EXT2: variants seen among roughly 807,000 people sequenced by gnomAD.
The protein encoded by EXT2 is exostosin glycosyltransferase 2.
In EXT2, 53 loss-of-function variants were observed where a neutral mutation model predicts 81.6. That is an observed-to-expected ratio of 0.65 (90% CI 0.52 to 0.82). EXT2 has a LOEUF of 0.82. EXT2 is among the 40% of genes least tolerant of loss of function. The pLI, the probability that EXT2 is intolerant of heterozygous loss-of-function variation, is 0.00. For synonymous variants in EXT2, 320 were observed against 340.0 expected (o/e 0.94, Z 0.65); for missense variants, 774 against 910.2 (o/e 0.85, Z 1.93).
At chr11:44,138,847 A>G (rs1322094853) in intron 7 of EXT2, among the ~76,000 whole-genome samples, 2 of 152,142 alleles carry the variant, frequency 1.3e-5, no homozygotes, top group African/African-American at 4.8e-5. Context: ...AGTTGTATTG[A>G]TTAAATGAGA....
chr11:44,154,436 T>G (rs1028780014), intron 7 of EXT2, among the ~76,000 whole-genome samples: 3 of 152,148 alleles, frequency 2.0e-5, no homozygotes, highest in African/African-American at 7.2e-5. Flanking sequence ...CATAATGACC[T>G]CCATTTCCAT....
chr11:44,193,855 G>C (rs1388839572), intron 8 of EXT2, among the ~76,000 whole-genome samples: 1 of 152,110 alleles, frequency 6.6e-6, no homozygotes, highest in African/African-American at 2.4e-5. Flanking sequence ...TGGGCAGTGG[G>C]GAAAAACAAC....
chr11:44,152,728 G>T (rs757226805), intron 7 of EXT2, among the ~76,000 whole-genome samples: 54 of 152,142 alleles, frequency 3.5e-4, no homozygotes, highest in Admixed American at 9.8e-4. Context: ...TGTAAAATCT[G>T]TCTAGATTTT....
At chr11:44,204,442 A>G (rs1300020465) in intron 9 of EXT2, among the ~76,000 whole-genome samples, 4 of 152,176 alleles carry the variant, frequency 2.6e-5, no homozygotes, top group Admixed American at 6.5e-5. Context: ...AGTAATTTTT[A>G]AGAGCATGAA....
chr11:44,231,659 A>T (rs1220276063), intron 10 of EXT2, among the ~76,000 whole-genome samples: 1 of 152,216 alleles, frequency 6.6e-6, no homozygotes, highest in Non-Finnish European at 1.5e-5. Flanking sequence ...ACAAATTGTT[A>T]TACTCATTCA....
At chr11:44,159,238 C>T (rs1954897752) in intron 7 of EXT2, among the ~76,000 whole-genome samples, 1 of 150,302 alleles carries the variant, frequency 6.7e-6, no homozygotes, top group Admixed American at 6.7e-5. Flanking sequence ...TCAGATATTG[C>T]TTCTGTTCTT....
chr11:44,191,732 CT>C (rs973621665), intron 8 of EXT2, among the ~76,000 whole-genome samples: 1 of 152,140 alleles, frequency 6.6e-6, no homozygotes, highest in Admixed American at 6.5e-5. Context: ...CCCCAGGAAG[CT>C]TTTTTTCTCT....
At chr11:44,197,562 A>C (rs1294176543) in intron 8 of EXT2, among the ~76,000 whole-genome samples, 1 of 152,178 alleles carries the variant, frequency 6.6e-6, no homozygotes, top group Non-Finnish European at 1.5e-5. Flanking sequence ...GAGAATGGAG[A>C]TAAACGCATG....
intron 9 of EXT2, among the ~76,000 whole-genome samples, chr11:44,201,629 C>A (rs528774730): frequency 6.6e-6 from 1 of 152,264 alleles, no homozygotes; most frequent in East Asian, 1.9e-4. Flanking sequence ...GTTGTCAGTT[C>A]TTTGATTTGG....
In EXT2 at chr11:44,232,500, A is replaced by G. The variant is rs769588215; in HGVS notation, c.1806+4A>G. On this transcript the variant is annotated splice_donor_region_variant and intron_variant, in intron 11 of 13. Coordinates refer to ENST00000533608, the MANE Select transcript of EXT2 (RefSeq NM_207122.2). ...TGGGGCAGCTTTTTATCACAAGGTA[A>G]GGGGGCGCAGTCCTGGCAAGGTGAC... is the stretch of plus-strand genomic sequence containing the variant. 5 of 1,613,850 alleles carry G rather than the reference A, an allele frequency of 3.1e-6. No individual in the cohort carries two copies. Among genetic ancestry groups the G allele is most frequent in the East Asian group, 2.2e-5 (1 of 44,876 alleles).
Position 44,137,030 on chromosome 11 carries a change from T to C in EXT2, c.1173+6892T>C, listed in dbSNP as rs559625494. 3.3e-5 allele frequency among the ~76,000 whole-genome samples: 5 copies of C among 152,192 alleles called. No individual in the cohort carries two copies. The South Asian group carries it at 6.2e-4, about 19-fold the overall frequency. On this transcript the variant is annotated intron_variant, in intron 7 of 13. Coordinates refer to ENST00000533608, the MANE Select transcript of EXT2 (RefSeq NM_207122.2). The stretch of plus-strand genomic sequence containing the variant: ...ATATTCTGTTTGAATTTTCCTAGTA[T>C]GTATATCCCTATTGTGAAGGAAAGT...
rs776987802 is a variant in EXT2, at chr11:44,113,926, CT to C, written c.627-258del. On this transcript the variant is annotated intron_variant, in intron 3 of 13. Transcript: ENST00000533608. Reference sequence around the variant, plus strand: ...AGAGAGGCTGTCCGTAAGGTGTCCTCTGGACTATGATGTGTTTCAAAAACTG... The same window carrying C: ...AGAGAGGCTGTCCGTAAGGTGTCCTCGGACTATGATGTGTTTCAAAAACTG... Among the ~76,000 whole-genome samples, 5 of 152,132 alleles carry C rather than the reference CT, an allele frequency of 3.3e-5. No individual in the cohort carries two copies. The East Asian group carries it at 7.7e-4, about 24-fold the overall frequency.
In EXT2 at chr11:44,214,933, G is replaced by A. The variant is rs561112326; in HGVS notation, c.1662+7974G>A. 6.6e-5 allele frequency among the ~76,000 whole-genome samples: 10 copies of A among 151,794 alleles called. 1 individual carries two copies. In the South Asian group the frequency reaches 1.5e-3, roughly 22 times the overall value. ...TGGCTAATTTTATTTTTTGGCGGGG[G>A]GTGGGGGCGGTAGACAAGCTCCTGC... On this transcript the variant is annotated intron_variant, in intron 10 of 13. Coordinates refer to ENST00000533608, the MANE Select transcript of EXT2 (RefSeq NM_207122.2).
rs1406391477 is a variant in EXT2 at position 44,095,849 on chromosome 11, C to G, written c.-34C>G. The G allele has an allele frequency of 1.1e-5, 2 of 175,100 alleles. No homozygotes were observed. The highest frequency in any genetic ancestry group is 2.4e-5 in the Non-Finnish European group (2 of 84,404). 10.8% of individuals were successfully genotyped at this position (175,100 alleles called of 1,614,324 possible). The stretch of plus-strand genomic sequence containing the variant: ...GGGCCGAGCGGGAGGCAGCCGTGGC[C>G]GAGGTAAGCGCGGCTCTCCAGGGCG... On this transcript the variant is annotated 5_prime_UTR_variant, in exon 1 of 14. Coordinates refer to ENST00000533608, the MANE Select transcript of EXT2 (RefSeq NM_207122.2).
rs115942357 is a variant in EXT2 at position 44,101,694 on chromosome 11, G to A, written c.-31+5842G>A. On this transcript the variant is annotated intron_variant, in intron 1 of 13. Transcript: ENST00000533608. ...GCTCAGTGTTGGCTGTCTTCTGTAG[G>A]ACAAGATTGACCTTAGGAGATGTTA... Among the ~76,000 whole-genome samples the A allele has an allele frequency of 4.4e-3, 670 of 152,258 alleles. 7 individuals are homozygous for A. The highest frequency in any genetic ancestry group is 0.016 in the African/African-American group (651 of 41,526).
intron 3 of EXT2, among the ~76,000 whole-genome samples, chr11:44,113,930 A>G (rs1954181933): frequency 6.6e-6 from 1 of 152,086 alleles, no homozygotes; most frequent in Admixed American, 6.6e-5. Context: ...TGTCCTCTGG[A>G]CTATGATGTG....
intron 13 of EXT2, among the ~76,000 whole-genome samples, chr11:44,237,912 A>AAAAAC (rs1554941500): frequency 7.1e-6 from 1 of 141,612 alleles, no homozygotes; most frequent in African/African-American, 2.5e-5. Flanking sequence ...TAAAAAAAAA[A>AAAAAC]AAAAAAAAAA....
intron 7 of EXT2, among the ~76,000 whole-genome samples, chr11:44,136,835 C>T (rs1404251301): frequency 6.6e-6 from 1 of 152,180 alleles, no homozygotes; most frequent in Non-Finnish European, 1.5e-5. Context: ...TGGCTGCTTC[C>T]CTTAAACAGT....
At position 44,107,716 on chromosome 11, in the gene EXT2, T is replaced by C. The variant is rs1376814425; in HGVS notation, c.4T>C (p.Cys2Arg). The stretch of plus-strand genomic sequence containing the variant: ...GGAAGAGGCTGTCTGTGTCATTATG[T>C]GTGCGTCGGTCAAGTATAATATCCG... M[C>R]ASVKYNIRGP... is the part of the protein sequence containing the mutation. Residue 2 changes from cysteine to arginine, a missense_variant, in exon 2 of 14, where the codon TGT (cysteine) becomes CGT (arginine). Coordinates refer to ENST00000533608, the MANE Select transcript of EXT2 (RefSeq NM_207122.2). 1 of 1,614,070 alleles carries C rather than the reference T, an allele frequency of 6.2e-7. No homozygotes were observed. Among genetic ancestry groups the C allele is most frequent in the Admixed American group, 1.7e-5 (1 of 60,008 alleles).
Sources: gnomAD v4.1 joint callset for allele counts (sites outside exome capture counted in the v4.1 genomes callset) on GRCh38, gnomAD v4.1.1 for gene constraint, MANE v1.5 for transcripts, NCBI Gene and HGNC (gene_info 2026-07-23, HGNC 2026-07-21) for gene names.